The following TMEM233 variants were observed in gnomAD, a reference collection of about 807,000 sequenced individuals.
TMEM233 encodes transmembrane protein 233, also known as dispanin subfamily B member 2.
TMEM233 carries 6 observed loss-of-function variants against 11.2 expected under a neutral mutation model. The observed-to-expected ratio is 0.54, with a 90% CI of 0.29 to 1.06. The LOEUF is 1.06. TMEM233 is among the 50% of genes least tolerant of loss of function. The pLI, the probability that TMEM233 is intolerant of heterozygous loss-of-function variation, is 0.08. For synonymous variants in TMEM233, 59 were observed against 55.8 expected (o/e 1.06, Z -0.26); for missense variants, 127 against 144.7 (o/e 0.88, Z 0.63).
chr12:119,649,199 G>C, the TMEM233 span, among the ~76,000 whole-genome samples: 1 of 152,182 alleles, frequency 6.6e-6, no homozygotes, highest in East Asian at 1.9e-4. Context: ...TCGGGAAGCT[G>C]AGGCAGGAGA....
intron 1 of TMEM233, among the ~76,000 whole-genome samples, chr12:119,616,444 G>T (rs1318537686): frequency 2.6e-5 from 4 of 152,192 alleles, no homozygotes; most frequent in Non-Finnish European, 5.9e-5. Flanking sequence ...ACAGCAACTG[G>T]CTGCTTAGCA....
downstream of TMEM233, among the ~76,000 whole-genome samples, chr12:119,645,727 C>T (rs976356971): frequency 1.3e-5 from 2 of 152,150 alleles, no homozygotes; most frequent in Admixed American, 6.5e-5. Context: ...TGCAATGACC[C>T]GGTCACGGCG....
At chr12:119,598,444 T>C (rs145840273) in intron 1 of TMEM233, among the ~76,000 whole-genome samples, 40 of 152,334 alleles carry the variant, frequency 2.6e-4, no homozygotes, top group African/African-American at 9.6e-4. Context: ...GGATGGCTTA[T>C]AAGCTTTTCA....
chr12:119,642,453 AAAAAG>A lies in TMEM233; in HGVS notation c.*1758_*1762del, dbSNP rs1050504172. 6.6e-6 allele frequency: 1 copy of A among 152,240 alleles called. No homozygotes were observed. The highest frequency in any genetic ancestry group is 1.5e-5 in the Non-Finnish European group (1 of 68,066). The allele number at this position is 152,240 out of a possible 1,614,324, so 9.4% of individuals were successfully genotyped here. A position where few individuals can be genotyped will look rare whatever the true frequency, so the allele number is the denominator to read the frequency against. On this transcript the variant is annotated 3_prime_UTR_variant, in exon 3 of 3. Coordinates refer to ENST00000426426, the MANE Select transcript of TMEM233 (RefSeq NM_001136534.3). Reference sequence around the variant, plus strand: ...ACAGAGCAAGACTCCATCTCAAAAAAAAAAGAAAAGAAAACGAAAGAAAAAGAAAA... The same window carrying A: ...ACAGAGCAAGACTCCATCTCAAAAAAAAAAGAAAACGAAAGAAAAAGAAAA...
At chr12:119,634,228 G>T (rs1245457645) in intron 2 of TMEM233, 27 of 985,256 alleles carry the variant, frequency 2.7e-5, no homozygotes, top group Non-Finnish European at 3.1e-5. Flanking sequence ...CCACAGAGGG[G>T]CTGGAAAATC....
chr12:119,615,202 A>C (rs1001052110), intron 1 of TMEM233, among the ~76,000 whole-genome samples: 3 of 110,364 alleles, frequency 2.7e-5, no homozygotes, highest in Admixed American at 2.0e-4. Flanking sequence ...AAAAAAAAAA[A>C]AAAACTGCCT....
At chr12:119,637,780 T>TA (rs1954998320) in intron 2 of TMEM233, among the ~76,000 whole-genome samples, 1 of 152,158 alleles carries the variant, frequency 6.6e-6, no homozygotes, top group African/African-American at 2.4e-5. Context: ...GAAAAGGATA[T>TA]AAGCTAGCAG....
chr12:119,606,836 G>A (rs547122842), intron 1 of TMEM233, among the ~76,000 whole-genome samples: 1 of 152,174 alleles, frequency 6.6e-6, no homozygotes, highest in African/African-American at 2.4e-5. Context: ...AAATGTAAAA[G>A]AGACATAAAT....
intron 2 of TMEM233, among the ~76,000 whole-genome samples, chr12:119,632,618 G>C (rs1007572129): frequency 6.6e-6 from 1 of 152,216 alleles, no homozygotes; most frequent in East Asian, 1.9e-4. Context: ...GGAAGTGGTG[G>C]GGACCATGGT....
At chr12:119,646,946 T>A (rs1955160801), downstream of TMEM233, among the ~76,000 whole-genome samples, 1 of 152,212 alleles carries the variant, frequency 6.6e-6, no homozygotes, top group African/African-American at 2.4e-5. Flanking sequence ...ATCCATTCGC[T>A]TAAAAAACAC....
At chr12:119,608,185 G>A (rs1954324361) in intron 1 of TMEM233, among the ~76,000 whole-genome samples, 1 of 152,094 alleles carries the variant, frequency 6.6e-6, no homozygotes, top group Non-Finnish European at 1.5e-5. Flanking sequence ...TACCCAAGTA[G>A]AAGCTCACTC....
chr12:119,595,401 C>T lies in TMEM233; in HGVS notation c.186+1367C>T, dbSNP rs149482090. Reference sequence around the variant, plus strand: ...TGCCCACGGGTGGTGGCACCATATTCGATTCGTGGGCACCTGCAAGGCTCC... The same window carrying T: ...TGCCCACGGGTGGTGGCACCATATTTGATTCGTGGGCACCTGCAAGGCTCC... On this transcript the variant is annotated intron_variant, in intron 1 of 2. Transcript: ENST00000426426. This position sits in a 1 kb window ranked among gnomAD's most constrained non-coding sequence, Gnocchi z 4.3. Among the ~76,000 whole-genome samples, 1 of 152,350 alleles carries T rather than the reference C, an allele frequency of 6.6e-6. No individual in the cohort carries two copies. Among genetic ancestry groups the T allele is most frequent in the Non-Finnish European group, 1.5e-5 (1 of 68,040 alleles).
intron 1 of TMEM233, among the ~76,000 whole-genome samples, chr12:119,596,487 CTTTTTT>C (rs34129084): frequency 1.1e-5 from 1 of 90,386 alleles, no homozygotes; most frequent in Non-Finnish European, 2.0e-5. Flanking sequence ...AAGTTTGTAT[CTTTTTT>C]TTTTTTTTTT....
the TMEM233 span, among the ~76,000 whole-genome samples, chr12:119,651,375 C>T: frequency 0.036 from 5,478 of 152,280 alleles, 161 homozygotes; most frequent in Middle Eastern, 0.055. Context: ...CTACCCTAAA[C>T]CTTCAGACAA....
chr12:119,646,710 C>T (rs1478538426), downstream of TMEM233, among the ~76,000 whole-genome samples: 7 of 152,194 alleles, frequency 4.6e-5, no homozygotes, highest in Admixed American at 2.6e-4. Flanking sequence ...GTTCTGACTC[C>T]TTTTCCTCTC....
At chr12:119,651,561 A>G in the TMEM233 span, among the ~76,000 whole-genome samples, 1 of 152,022 alleles carries the variant, frequency 6.6e-6, no homozygotes, top group Non-Finnish European at 1.5e-5. Flanking sequence ...GCTCACACCT[A>G]TAATCCCAGC....
intron 1 of TMEM233, among the ~76,000 whole-genome samples, chr12:119,614,442 A>G (rs1029896645): frequency 4.2e-5 from 6 of 144,030 alleles, no homozygotes; most frequent in Non-Finnish European, 6.0e-5. Context: ...GAGAGGCAAG[A>G]ACAAAGAAAA....
At position 119,629,728 on chromosome 12, in the gene TMEM233, T is replaced by C; in HGVS notation, c.187-8T>C. The C allele has an allele frequency of 6.5e-7, 1 of 1,548,412 alleles. No homozygotes were observed. ...TGTCATCACCAGCTCTTCCCTTCTG[T>C]CCCCCAGTCTCTGAACAGCTACAAC... is the stretch of plus-strand genomic sequence containing the variant. On this transcript the variant is annotated splice_polypyrimidine_tract_variant and splice_region_variant and intron_variant, in intron 1 of 2. Transcript: ENST00000426426.
rs57846015 is a variant in TMEM233, at chr12:119,614,411, CGAGA to C, written c.187-15303_187-15300del. On this transcript the variant is annotated intron_variant, in intron 1 of 2. Transcript: ENST00000426426. ...GAGAGAGAGAGAGACTCCATCTCAA[CGAGA>C]GAGAGAGAGAGAGAGAGAGAGGCAA... Among the ~76,000 whole-genome samples the C allele has an allele frequency of 1.3e-4, 18 of 143,536 alleles. No homozygotes were observed. The East Asian group carries it at 1.3e-3, about 10-fold the overall frequency. 94.2% of individuals were successfully genotyped at this position (143,536 alleles called of 152,430 possible).
Sources: gnomAD v4.1 joint callset for allele counts (sites outside exome capture counted in the v4.1 genomes callset) on GRCh38, gnomAD v4.1.1 for gene constraint, Gnocchi (gnomAD v3.1) non-coding constraint, MANE v1.5 for transcripts, NCBI Gene and HGNC (gene_info 2026-07-23, HGNC 2026-07-21) for gene names.